Variants in LYRM4 observed in about 807,000 individuals in gnomAD.
LYRM4 encodes the protein LYR motif-containing protein 4.
In LYRM4, 9 loss-of-function variants were observed where a neutral mutation model predicts 11.7. The ratio of observed to expected loss-of-function variants is 0.77; its 90% CI spans 0.46 to 1.34. LYRM4 has a LOEUF of 1.34. Ranked by LOEUF, LYRM4 falls within the 40% of genes most tolerant of loss-of-function variation. The pLI, the probability that LYRM4 is intolerant of heterozygous loss-of-function variation, is 0.00. For missense variants in LYRM4, 133 were observed against 112.5 expected, an observed-to-expected ratio of 1.18 and a Z score of -0.82; for synonymous variants, 42 against 40.4, an observed-to-expected ratio of 1.04 and a Z score of -0.15.
At chr6:5,097,864 CA>C in the LYRM4 span, among the ~76,000 whole-genome samples, 1 of 152,234 alleles carries the variant, frequency 6.6e-6, no homozygotes, top group Non-Finnish European at 1.5e-5. Context: ...ACACTAATAT[CA>C]CTTACATACA....
chr6:5,251,500 A>T (rs1764426314), intron 1 of LYRM4, among the ~76,000 whole-genome samples: 1 of 152,192 alleles, frequency 6.6e-6, no homozygotes, highest in Non-Finnish European at 1.5e-5. Context: ...GGGGGAGCAG[A>T]CACATCACAG....
At position 5,260,902 on chromosome 6, in the gene LYRM4, C is replaced by A. The variant is rs1407779878; in HGVS notation, c.-169G>T. ...AGCGGGCAGCCCTGCGGATCGCGGA[C>A]GGCGCCAGGCGTCCCGCGCCGCTTC... On this transcript the variant is annotated 5_prime_UTR_variant, in exon 1 of 3. Transcript: ENST00000330636. 6.5e-6 allele frequency: 9 copies of A among 1,386,280 alleles called. No individual in the cohort carries two copies. The highest frequency in any genetic ancestry group is 5.6e-6 in the Non-Finnish European group (6 of 1,075,848). The allele number at this position is 1,386,280 out of a possible 1,614,324, so 85.9% of individuals were successfully genotyped here. A position where few individuals can be genotyped will look rare whatever the true frequency, so the allele number is the denominator to read the frequency against.
At chr6:5,176,066 A>AGTTTTT (rs140512571) in intron 2 of LYRM4, among the ~76,000 whole-genome samples, 2 of 147,248 alleles carry the variant, frequency 1.4e-5, no homozygotes, top group African/African-American at 5.1e-5. Flanking sequence ...TTACGCTATT[A>AGTTTTT]ATTTTTTTTT....
At chr6:5,138,849 T>C (rs1035258279) in intron 2 of LYRM4, 17 of 743,036 alleles carry the variant, frequency 2.3e-5, no homozygotes, top group Non-Finnish European at 3.2e-5. Context: ...TAAGACAGGT[T>C]AAAAGCTAGA....
In LYRM4 at chr6:5,241,310, G is replaced by C. The variant is rs561425900; in HGVS notation, c.86+19338C>G. Among the ~76,000 whole-genome samples, 3 of 152,332 alleles carry C rather than the reference G, an allele frequency of 2.0e-5. No homozygotes were observed. In the East Asian group the frequency reaches 5.8e-4, roughly 29 times the overall value. ...TATAACATACAGTGCGTGACAGACA[G>C]CATGTATTCAATCAATGTTAATTCA... is the stretch of plus-strand genomic sequence containing the variant. On this transcript the variant is annotated intron_variant, in intron 1 of 2. Coordinates refer to ENST00000330636, the MANE Select transcript of LYRM4 (RefSeq NM_020408.6).
intron 2 of LYRM4, among the ~76,000 whole-genome samples, chr6:5,212,556 G>T (rs1021573429): frequency 6.6e-6 from 1 of 152,234 alleles, no homozygotes; most frequent in East Asian, 1.9e-4. Flanking sequence ...TCACCTGGGA[G>T]GCAGATAGGG....
chr6:5,260,440 T>G (rs1477190027), intron 1 of LYRM4, among the ~76,000 whole-genome samples: 2 of 152,190 alleles, frequency 1.3e-5, no homozygotes, highest in African/African-American at 4.8e-5. Flanking sequence ...ACGTCTCCCC[T>G]GGTAGAAAGA....
chr6:5,060,942 C>T, the LYRM4 span, among the ~76,000 whole-genome samples: 2,463 of 152,266 alleles, frequency 0.016, 59 homozygotes, highest in African/African-American at 0.055. Context: ...CATATTTTCT[C>T]GACCAATTTT....
At chr6:5,057,298 G>T in the LYRM4 span, among the ~76,000 whole-genome samples, 1 of 152,240 alleles carries the variant, frequency 6.6e-6, no homozygotes, top group East Asian at 1.9e-4. Flanking sequence ...CGACCTGAAG[G>T]GGGAGCTCAA....
At chr6:5,189,817 C>T (rs1760651633) in intron 2 of LYRM4, among the ~76,000 whole-genome samples, 1 of 152,232 alleles carries the variant, frequency 6.6e-6, no homozygotes, top group Admixed American at 6.5e-5. Flanking sequence ...AATCGAATCA[C>T]TGTTCTCCCC....
intron 2 of LYRM4, among the ~76,000 whole-genome samples, chr6:5,166,541 G>A (rs1303490798): frequency 6.6e-6 from 1 of 152,170 alleles, no homozygotes; most frequent in African/African-American, 2.4e-5. Context: ...TGTCCTATTT[G>A]TTCTAGGATA....
chr6:5,241,366 C>T (rs1213651562), intron 1 of LYRM4, among the ~76,000 whole-genome samples: 1 of 152,134 alleles, frequency 6.6e-6, no homozygotes, highest in Non-Finnish European at 1.5e-5. Flanking sequence ...CTCAGTCTAC[C>T]AAATAATAAG....
At chr6:5,212,399 T>C (rs1357056764) in intron 2 of LYRM4, among the ~76,000 whole-genome samples, 1 of 152,236 alleles carries the variant, frequency 6.6e-6, no homozygotes, top group Non-Finnish European at 1.5e-5. Context: ...GCCTTGTTAA[T>C]TGTCTGGGGT....
rs149685206 is a variant in LYRM4 at position 5,192,774 on chromosome 6, C to T, written c.207+23844G>A. ...GGCGCGGTGGCCCGCGCCTGTAATC[C>T]CAGGACTTTGGGAGGCCGAGGCGGG... is the stretch of plus-strand genomic sequence containing the variant. On this transcript the variant is annotated intron_variant, in intron 2 of 2. Coordinates refer to ENST00000330636, the MANE Select transcript of LYRM4 (RefSeq NM_020408.6). Among the ~76,000 whole-genome samples the T allele has an allele frequency of 1.9e-3, 282 of 152,310 alleles. 2 individuals are homozygous for T. Among genetic ancestry groups the T allele is most frequent in the Middle Eastern group, 6.8e-3 (2 of 294 alleles).
intron 1 of LYRM4, among the ~76,000 whole-genome samples, chr6:5,225,463 T>A (rs1259756788): frequency 1.3e-5 from 2 of 152,290 alleles, no homozygotes; most frequent in East Asian, 3.9e-4. Flanking sequence ...TCACAAACGG[T>A]AGCATTCTAA....
chr6:5,050,380 T>G, the LYRM4 span, among the ~76,000 whole-genome samples: 1 of 152,230 alleles, frequency 6.6e-6, no homozygotes, highest in Non-Finnish European at 1.5e-5. Flanking sequence ...CTGTGATTGC[T>G]AATTGCTGCT....
rs1762763602 is a variant in LYRM4 at position 5,109,146 on chromosome 6, C to T, written c.*277G>A. ...AAATGCTATACACAATGGTCATGAG[C>T]TACAAGGTAGGAATGGGGTGCAGGG... On this transcript the variant is annotated 3_prime_UTR_variant, in exon 3 of 3. Transcript: ENST00000330636. 5 of 1,285,796 alleles carry T rather than the reference C, an allele frequency of 3.9e-6. No individual in the cohort carries two copies. The South Asian group carries it at 1.1e-4, about 29-fold the overall frequency. The allele number at this position is 1,285,796 out of a possible 1,614,324, so 79.6% of individuals were successfully genotyped here.
chr6:5,118,304 A>G (rs1010913413), intron 2 of LYRM4, among the ~76,000 whole-genome samples: 2 of 151,958 alleles, frequency 1.3e-5, no homozygotes, highest in Non-Finnish European at 2.9e-5. Context: ...TTTAGTACAG[A>G]TGGGCTTTCA....
chr6:5,077,856 T>A, the LYRM4 span, among the ~76,000 whole-genome samples: 1 of 152,352 alleles, frequency 6.6e-6, no homozygotes, highest in South Asian at 2.1e-4. Flanking sequence ...TAAAACTGAT[T>A]CTTTAGAAGC....
Sources: gnomAD v4.1 joint callset for allele counts (sites outside exome capture counted in the v4.1 genomes callset) on GRCh38, gnomAD v4.1.1 for gene constraint, MANE v1.5 for transcripts, NCBI Gene and HGNC (gene_info 2026-07-23, HGNC 2026-07-21) for gene names.